Variants in TATDN3 observed in about 807,000 individuals in gnomAD.
TATDN3 encodes TatD DNase domain containing 3, also known as deoxyribonuclease TATDN3.
In TATDN3, 29 loss-of-function variants were observed where a neutral mutation model predicts 40.1. The observed-to-expected ratio is 0.72, with a 90% CI of 0.54 to 0.99. The LOEUF (loss-of-function observed/expected upper bound fraction) is 0.99, where lower values mean the gene tolerates loss of function less well. TATDN3 is among the 50% of genes least tolerant of loss of function. TATDN3 has a pLI of 0.00. For synonymous variants in TATDN3, 105 were observed against 117.0 expected (o/e 0.90, Z 0.66); for missense variants, 309 against 321.9 (o/e 0.96, Z 0.31).
chr1:212,794,669 G>A (rs1348108915), intron 1 of TATDN3: 4 of 450,328 alleles, frequency 8.9e-6, no homozygotes, highest in Non-Finnish European at 1.8e-5. Context: ...CAAGGCAAGT[G>A]CAGAGAGAGG....
chr1:212,794,563 C>G (rs1381338782), intron 1 of TATDN3: 1 of 340,568 alleles, frequency 2.9e-6, no homozygotes, highest in Non-Finnish European at 5.8e-6. Context: ...TGCACTACAG[C>G]TGGGAGACAA....
chr1:212,811,197 G>A (rs1662851262), intron 8 of TATDN3, among the ~76,000 whole-genome samples: 4 of 151,886 alleles, frequency 2.6e-5, no homozygotes, highest in South Asian at 4.2e-4. Context: ...GTGCAGTGGC[G>A]CGATCTCAGC....
chr1:212,792,426 C>T (rs73083749), intron 1 of TATDN3, among the ~76,000 whole-genome samples: 29,953 of 148,038 alleles, frequency 0.2, 3,791 homozygotes, highest in African/African-American at 0.37. Context: ...CTCCTGTGTC[C>T]AGGAGATCGT....
In TATDN3 at chr1:212,815,193, A is replaced by C. The variant is rs1333452538; in HGVS notation, c.*37A>C. The C allele has an allele frequency of 1.3e-6, 2 of 1,584,670 alleles. No homozygotes were observed. Among genetic ancestry groups the C allele is most frequent in the Non-Finnish European group, 1.7e-6 (2 of 1,168,692 alleles). On this transcript the variant is annotated 3_prime_UTR_variant, in exon 10 of 10. Coordinates refer to ENST00000366974, the MANE Select transcript of TATDN3 (RefSeq NM_001042552.3). The stretch of plus-strand genomic sequence containing the variant: ...TCCATTACAAAATCGAATCAACTGC[A>C]GGGGGCAGCATTTGAAAAATAGAAA...
Position 212,804,708 on chromosome 1 carries a change from A to G in TATDN3, c.487+57A>G, listed in dbSNP as rs115752303. 505 of 1,477,298 alleles carry G rather than the reference A, an allele frequency of 3.4e-4. No individual in the cohort carries two copies. In the African/African-American group the frequency reaches 6.2e-3, roughly 18 times the overall value. 91.5% of individuals were successfully genotyped at this position (1,477,298 alleles called of 1,614,324 possible). On this transcript the variant is annotated intron_variant, in intron 7 of 9. Transcript: ENST00000366974. Reference sequence around the variant, plus strand: ...TGTTCAAGTTTGACAATTCCAGTTTATGTTCTCATAAAGCAAGCCATGTTT... The same window carrying G: ...TGTTCAAGTTTGACAATTCCAGTTTGTGTTCTCATAAAGCAAGCCATGTTT...
intron 9 of TATDN3, among the ~76,000 whole-genome samples, chr1:212,814,377 A>G (rs1233032055): frequency 1.3e-5 from 2 of 152,204 alleles, no homozygotes; most frequent in African/African-American, 4.8e-5. Context: ...TGATAGTAAC[A>G]ATAATAATTT....
intron 9 of TATDN3, among the ~76,000 whole-genome samples, chr1:212,813,910 A>C (rs2102489753): frequency 6.6e-6 from 1 of 152,088 alleles, no homozygotes; most frequent in Non-Finnish European, 1.5e-5. Flanking sequence ...ATATTTCATA[A>C]AAACAGGATT....
At chr1:212,793,780 T>C (rs2102425149) in intron 1 of TATDN3, among the ~76,000 whole-genome samples, 1 of 152,226 alleles carries the variant, frequency 6.6e-6, no homozygotes, top group East Asian at 1.9e-4. Flanking sequence ...GCTTGTGCTA[T>C]AGGGAAGATG....
chr1:212,814,071 C>T (rs1295387154), intron 9 of TATDN3, among the ~76,000 whole-genome samples: 1 of 151,994 alleles, frequency 6.6e-6, no homozygotes, highest in Non-Finnish European at 1.5e-5. Flanking sequence ...CCTCCCACCT[C>T]GGCCTTCCTA....
chr1:212,794,628 T>A (rs1275700868), intron 1 of TATDN3: 2 of 382,492 alleles, frequency 5.2e-6, no homozygotes, highest in Non-Finnish European at 1.0e-5. Flanking sequence ...AGCATAATGA[T>A]GATAAAACCA....
At chr1:212,804,683 T>C in intron 7 of TATDN3, 32 bp downstream of exon 7, 3 of 1,573,842 alleles carry the variant, frequency 1.9e-6, no homozygotes, top group Non-Finnish European at 2.6e-6. Context: ...ATAGGCCTAA[T>C]GTTCAAGTTT....
chr1:212,811,799 T>A (rs887216792), intron 8 of TATDN3, among the ~76,000 whole-genome samples: 5 of 151,776 alleles, frequency 3.3e-5, no homozygotes, highest in African/African-American at 1.2e-4. Flanking sequence ...ACCTCCCGGG[T>A]TCAAGTGATT....
At chr1:212,800,551 C>T (rs1052668148) in intron 4 of TATDN3, among the ~76,000 whole-genome samples, 1 of 151,902 alleles carries the variant, frequency 6.6e-6, no homozygotes, top group Admixed American at 6.6e-5. Context: ...ACACTTGACC[C>T]CTGTTCTAAA....
intron 7 of TATDN3, 131 bp downstream of exon 7, chr1:212,804,782 C>T (rs1475153529): frequency 1.4e-6 from 1 of 723,940 alleles, no homozygotes; most frequent in Admixed American, 2.8e-5. Flanking sequence ...CAGAAATCAT[C>T]TAAGATGATG....
In TATDN3 at chr1:212,797,184, T is replaced by C; in HGVS notation, c.246T>C (p.Ser82=). Residue 82 remains serine (S), a synonymous_variant, in exon 4 of 10, where the codon AGT becomes AGC. Transcript: ENST00000366974. ...GACTTCCACCAGAAGACCAAAGAAGTGTCACACTAAAGGTAACAGTCATAC... is the reference window on the plus strand; with the variant it reads ...GACTTCCACCAGAAGACCAAAGAAGCGTCACACTAAAGGTAACAGTCATAC... ...VQGLPPEDQR[S]VTLKDLDVAL... is the part of the protein sequence containing the mutation. 1 of 1,613,834 alleles carries C rather than the reference T, an allele frequency of 6.2e-7. No homozygotes were observed. Among genetic ancestry groups the C allele is most frequent in the Admixed American group, 1.7e-5 (1 of 60,002 alleles).
chr1:212,814,898 T>A, intron 9 of TATDN3, 115 bp from the exon 10 acceptor site: 2 of 1,230,574 alleles, frequency 1.6e-6, no homozygotes, highest in Non-Finnish European at 2.2e-6. Context: ...AAGAAAAAAA[T>A]TAAAAAGGAG....
At chr1:212,794,838 A>C (rs979980867) in intron 1 of TATDN3, 8 of 604,202 alleles carry the variant, frequency 1.3e-5, no homozygotes, top group Non-Finnish European at 2.2e-5. Flanking sequence ...GCTGAGGAGT[A>C]GAGTAAGATG....
At chr1:212,808,829 C>T (rs1336142990) in intron 8 of TATDN3, among the ~76,000 whole-genome samples, 3 of 152,154 alleles carry the variant, frequency 2.0e-5, no homozygotes, top group Admixed American at 1.3e-4. Context: ...TGTGACCCAG[C>T]AATTCCACCC....
intron 4 of TATDN3, among the ~76,000 whole-genome samples, chr1:212,800,163 A>G (rs781491225): frequency 6.6e-6 from 1 of 152,222 alleles, no homozygotes; most frequent in Non-Finnish European, 1.5e-5. Context: ...TAATTAATTC[A>G]TTCAATAAAT....
Sources: allele counts gnomAD v4.1 joint callset (sites outside exome capture counted in the v4.1 genomes callset), GRCh38; gene constraint gnomAD v4.1.1; transcripts MANE v1.5; gene names NCBI Gene and HGNC (gene_info 2026-07-23, HGNC 2026-07-21).